PSPC1: variants seen among roughly 807,000 people sequenced by gnomAD.
The protein encoded by PSPC1 is paraspeckle protein 1.
In PSPC1, 14 loss-of-function variants were observed where a neutral mutation model predicts 51.6. The observed-to-expected ratio is 0.27, with a 90% CI of 0.18 to 0.42. The LOEUF (loss-of-function observed/expected upper bound fraction) is 0.42, where lower values mean the gene tolerates loss of function less well. PSPC1 is among the 10% of genes least tolerant of loss of function. PSPC1 has a pLI of 1.00. For missense variants in PSPC1, 406 were observed against 701.1 expected (o/e 0.58, Z 4.75); for synonymous variants, 193 against 231.9 (o/e 0.83, Z 1.53).
rs562977621 is a variant in PSPC1, at chr13:19,774,820, A to T, written c.373-2277T>A. ...ACTCTGTGTCCAAAAAAAAAAAAACAAAAAAAAAAAAGAAAAAGAAAAAGA... is the reference window on the plus strand; with the variant it reads ...ACTCTGTGTCCAAAAAAAAAAAAACTAAAAAAAAAAAGAAAAAGAAAAAGA... On this transcript the variant is annotated intron_variant, in intron 1 of 8. Transcript: ENST00000338910. Among the ~76,000 whole-genome samples, 555 of 143,708 alleles carry T rather than the reference A, an allele frequency of 3.9e-3. 1 individual carries two copies. Among genetic ancestry groups the T allele is most frequent in the African/African-American group, 0.013 (505 of 38,278 alleles). The allele number at this position is 143,708 out of a possible 152,430, so 94.3% of individuals were successfully genotyped here.
At chr13:19,714,495 CT>C (rs59072226) in intron 6 of PSPC1, among the ~76,000 whole-genome samples, 18,083 of 134,906 alleles carry the variant, frequency 0.13, 1,188 homozygotes, top group East Asian at 0.2. Flanking sequence ...CAGCGGATTT[CT>C]TTTTTTTTTT....
At chr13:19,723,021 G>A (rs1385530258) in intron 6 of PSPC1, among the ~76,000 whole-genome samples, 1 of 152,154 alleles carries the variant, frequency 6.6e-6, no homozygotes. Context: ...TGAGGCACAA[G>A]AATCACTTGA....
chr13:19,763,444 C>T (rs1352378426), intron 2 of PSPC1, among the ~76,000 whole-genome samples: 4 of 152,130 alleles, frequency 2.6e-5, no homozygotes, highest in Admixed American at 6.6e-5. Context: ...TTTTTCTCCC[C>T]ATTTTACCAC....
chr13:19,746,230 C>A (rs1885966027), intron 4 of PSPC1, among the ~76,000 whole-genome samples: 1 of 151,582 alleles, frequency 6.6e-6, no homozygotes, highest in Admixed American at 6.6e-5. Context: ...GGTGAAACCC[C>A]ATCTCTACTA....
chr13:19,700,778 A>G (rs916181411), downstream of PSPC1, among the ~76,000 whole-genome samples: 1 of 152,136 alleles, frequency 6.6e-6, no homozygotes, highest in African/African-American at 2.4e-5. Flanking sequence ...TTTTATAAAA[A>G]AAAGATAGCA....
chr13:19,755,128 G>T (rs1566032504), intron 3 of PSPC1, among the ~76,000 whole-genome samples: 1 of 151,998 alleles, frequency 6.6e-6, no homozygotes, highest in Non-Finnish European at 1.5e-5. Context: ...CAGCTACTTG[G>T]GGGGTGCTGA....
At chr13:19,779,328 G>A (rs1434253889) in intron 1 of PSPC1, among the ~76,000 whole-genome samples, 2 of 113,658 alleles carry the variant, frequency 1.8e-5, no homozygotes, top group East Asian at 3.1e-4. Flanking sequence ...CGGGAGGGAC[G>A]TGGGGGGTCA....
chr13:19,772,337 A>C lies in PSPC1; in HGVS notation c.579T>G (p.Gly193=). ...CTACAAAACCTTTTCCTGTAGCTCT[A>C]CCGCGATCATCCACAACCACAACAG... ...EKAVVVVDDR[G]RATGKGFVEF... Residue 193 remains glycine, a synonymous_variant, in exon 2 of 9, where the codon GGT becomes GGG. Coordinates refer to ENST00000338910, the MANE Select transcript of PSPC1 (RefSeq NM_001354909.2). 1 of 1,614,228 alleles carries C rather than the reference A, an allele frequency of 6.2e-7. No homozygotes were observed. The highest frequency in any genetic ancestry group is 8.5e-7 in the Non-Finnish European group (1 of 1,180,046).
intron 6 of PSPC1, among the ~76,000 whole-genome samples, chr13:19,726,192 A>G (rs1244094898): frequency 2.0e-5 from 3 of 152,076 alleles, no homozygotes; most frequent in Non-Finnish European, 4.4e-5. Flanking sequence ...CATCCTATAT[A>G]AATCTTACAC....
rs1882447728 is a variant in PSPC1, at chr13:19,718,975, G to A, written c.1159-9376C>T. Among the ~76,000 whole-genome samples the A allele has an allele frequency of 3.3e-5, 5 of 152,142 alleles. No homozygotes were observed. The South Asian group carries it at 1.0e-3, about 31-fold the overall frequency. On this transcript the variant is annotated intron_variant, in intron 6 of 8. Coordinates refer to ENST00000338910, the MANE Select transcript of PSPC1 (RefSeq NM_001354909.2). ...TGGTTGCCAAGGGTTAGGTGGAAGG[G>A]ATAGAGAAGCAGAGCACAGATTTTT...
At chr13:19,671,791 A>G, downstream of PSPC1, 1 of 1,592,154 alleles carries the variant, frequency 6.3e-7, no homozygotes, top group Non-Finnish European at 8.6e-7. Flanking sequence ...AGAAAGGGGA[A>G]ATCTGGATCT....
At position 19,757,221 on chromosome 13, in the gene PSPC1, C is replaced by A. The variant is rs188921268; in HGVS notation, c.770+2102G>T. On this transcript the variant is annotated intron_variant, in intron 3 of 8. Transcript: ENST00000338910. The stretch of plus-strand genomic sequence containing the variant: ...CTTGAACTTTGGGTTCATGGTCTCA[C>A]AACTGAGAAGGGTCCCTCCACACTT... Among the ~76,000 whole-genome samples the A allele has an allele frequency of 4.6e-5, 7 of 152,108 alleles. No homozygotes were observed. The East Asian group carries it at 1.2e-3, about 25-fold the overall frequency.
chr13:19,707,825 C>T (rs1183347186), intron 7 of PSPC1, among the ~76,000 whole-genome samples: 4 of 152,138 alleles, frequency 2.6e-5, no homozygotes, highest in Admixed American at 6.5e-5. Flanking sequence ...ATAATGATAA[C>T]AGCCTTTTAA....
At chr13:19,765,535 C>T (rs1257888615) in intron 2 of PSPC1, among the ~76,000 whole-genome samples, 8 of 145,684 alleles carry the variant, frequency 5.5e-5, no homozygotes, top group Non-Finnish European at 1.2e-4. Flanking sequence ...GGTCTCACGA[C>T]GTTGCTCAGG....
intron 7 of PSPC1, among the ~76,000 whole-genome samples, chr13:19,676,607 T>C (rs1047486361): frequency 6.6e-6 from 1 of 152,204 alleles, no homozygotes; most frequent in African/African-American, 2.4e-5. Flanking sequence ...AACGGACTTT[T>C]TGACTTGCAG....
In PSPC1 at chr13:19,782,455, G is replaced by A. The variant is rs377753826; in HGVS notation, c.303C>T (p.Leu101=). 1.2e-5 allele frequency: 20 copies of A among 1,611,506 alleles called. No individual in the cohort carries two copies. The African/African-American group carries it at 2.0e-4, about 16-fold the overall frequency. ...CGCTGGGCTCGCCATAGCGTTCGAAGAGCCTCTTGAAGTCCTCCTCCGTGA... is the reference window on the plus strand; with the variant it reads ...CGCTGGGCTCGCCATAGCGTTCGAAAAGCCTCTTGAAGTCCTCCTCCGTGA... ...TDITEEDFKR[L]FERYGEPSEV... The change falls in exon 1 of 9, where the codon CTC becomes CTT. Residue 101 remains leucine (L), a synonymous_variant. Coordinates refer to ENST00000338910, the MANE Select transcript of PSPC1 (RefSeq NM_001354909.2). This position sits in a 1 kb window ranked among gnomAD's most constrained non-coding sequence, Gnocchi z 4.5.
At chr13:19,699,075 T>G (rs945050270), downstream of PSPC1, among the ~76,000 whole-genome samples, 2 of 151,984 alleles carry the variant, frequency 1.3e-5, no homozygotes, top group Non-Finnish European at 2.9e-5. Flanking sequence ...GTGGTAAGCC[T>G]TTAAACACTG....
chr13:19,701,130 G>A (rs1297470806), downstream of PSPC1, among the ~76,000 whole-genome samples: 1 of 152,020 alleles, frequency 6.6e-6, no homozygotes, highest in Non-Finnish European at 1.5e-5. Context: ...ACACTAGGAT[G>A]TTCAGGAGAT....
intron 6 of PSPC1, among the ~76,000 whole-genome samples, chr13:19,711,843 T>C (rs1881483302): frequency 4.1e-5 from 6 of 146,198 alleles, no homozygotes; most frequent in Admixed American, 2.7e-4. Flanking sequence ...AAACTCTGTC[T>C]CAAAAAAAAA....
Sources: gnomAD v4.1 joint callset for allele counts (sites outside exome capture counted in the v4.1 genomes callset) on GRCh38, gnomAD v4.1.1 for gene constraint, Gnocchi (gnomAD v3.1) non-coding constraint, MANE v1.5 for transcripts, NCBI Gene and HGNC (gene_info 2026-07-23, HGNC 2026-07-21) for gene names.